PACRG: variants seen among roughly 807,000 people sequenced by gnomAD.
PACRG encodes parkin coregulated gene protein.
A neutral mutation model predicts 29.7 loss-of-function variants in PACRG; 29 were observed. The ratio of observed to expected loss-of-function variants is 0.98; its 90% CI spans 0.73 to 1.33. The LOEUF (loss-of-function observed/expected upper bound fraction) is 1.33. PACRG is among the 40% of genes most tolerant of loss of function. The pLI is 0.00. For missense variants in PACRG, 279 were observed against 316.2 expected (o/e 0.88, Z 0.89); for synonymous variants, 116 against 118.7 (o/e 0.98, Z 0.15).
intron 2 of PACRG, among the ~76,000 whole-genome samples, chr6:162,832,692 A>G (rs913167892): frequency 1.3e-5 from 2 of 152,062 alleles, no homozygotes; most frequent in African/African-American, 4.8e-5. Context: ...TTCTGCATAA[A>G]TTTTTCCCAT....
chr6:163,211,835 C>T (rs1257236633), intron 4 of PACRG, among the ~76,000 whole-genome samples: 1 of 152,158 alleles, frequency 6.6e-6, no homozygotes, highest in Non-Finnish European at 1.5e-5. Context: ...TAATGCAGTG[C>T]TCATTCTCTT....
At chr6:163,091,168 A>G (rs2128303366) in intron 4 of PACRG, among the ~76,000 whole-genome samples, 1 of 152,352 alleles carries the variant, frequency 6.6e-6, no homozygotes, top group Non-Finnish European at 1.5e-5. Flanking sequence ...AAAGTAGAAA[A>G]TCAGTGATGT....
In PACRG at chr6:163,227,340, G is replaced by T. The variant is rs921454219; in HGVS notation, c.614-87487G>T. 5.9e-5 allele frequency among the ~76,000 whole-genome samples: 9 copies of T among 152,232 alleles called. No homozygotes were observed. The East Asian group carries it at 1.7e-3, about 30-fold the overall frequency. Reference sequence around the variant, plus strand: ...ACCTCACCAGTACTCACTCACTAGGGCAGGGATGGCACCCAGCCATGAGGC... The same window carrying T: ...ACCTCACCAGTACTCACTCACTAGGTCAGGGATGGCACCCAGCCATGAGGC... On this transcript the variant is annotated intron_variant, in intron 4 of 4. Coordinates refer to ENST00000366888, the MANE Select transcript of PACRG (RefSeq NM_001080379.2).
chr6:163,273,921 GT>G (rs570205795), intron 4 of PACRG, among the ~76,000 whole-genome samples: 19 of 151,868 alleles, frequency 1.3e-4, no homozygotes, highest in Non-Finnish European at 2.5e-4. Context: ...ATTCTTACTT[GT>G]TAATTAAATT....
chr6:162,794,276 T>C (rs1785189526), intron 1 of PACRG, among the ~76,000 whole-genome samples: 1 of 152,226 alleles, frequency 6.6e-6, no homozygotes. Context: ...TGTTACTATA[T>C]ATTTCCTGCT....
At chr6:163,071,502 A>T (rs1812047919) in intron 3 of PACRG, among the ~76,000 whole-genome samples, 2 of 152,112 alleles carry the variant, frequency 1.3e-5, no homozygotes, top group South Asian at 4.1e-4. Context: ...GTGGTAATGG[A>T]TACACAACAT....
intron 2 of PACRG, among the ~76,000 whole-genome samples, chr6:163,023,836 G>A (rs1198663604): frequency 6.6e-6 from 1 of 152,136 alleles, no homozygotes; most frequent in Admixed American, 6.5e-5. Flanking sequence ...GTGATGATGA[G>A]CAATTTTTTG....
intron 2 of PACRG, among the ~76,000 whole-genome samples, chr6:162,856,460 C>G (rs188380959): frequency 1.0e-3 from 152 of 152,278 alleles, no homozygotes; most frequent in African/African-American, 3.6e-3. Flanking sequence ...TTGGGAGAGT[C>G]ATTTCAACAT....
At chr6:162,759,142 G>A (rs745423126) in intron 1 of PACRG, among the ~76,000 whole-genome samples, 4 of 152,186 alleles carry the variant, frequency 2.6e-5, no homozygotes, top group African/African-American at 9.7e-5. Flanking sequence ...AGAACACAGA[G>A]ATATTCAGAT....
intron 4 of PACRG, chr6:163,111,957 TCAGGG>T: frequency 1.7e-6 from 1 of 603,924 alleles, no homozygotes; most frequent in Middle Eastern, 8.6e-4. Context: ...TTCTGAATTT[TCAGGG>T]AATTTTTACA....
intron 4 of PACRG, chr6:163,179,169 C>T (rs138686395): frequency 6.6e-6 from 3 of 455,960 alleles, no homozygotes; most frequent in East Asian, 1.4e-4. Context: ...TGTAGCTTGG[C>T]TCACACTGAT....
At chr6:163,291,359 T>C (rs1178274004) in intron 4 of PACRG, among the ~76,000 whole-genome samples, 1 of 140,396 alleles carries the variant, frequency 7.1e-6, no homozygotes, top group Non-Finnish European at 1.5e-5. Context: ...AGATGACCCC[T>C]CTGCCCGCCA....
intron 2 of PACRG, among the ~76,000 whole-genome samples, chr6:162,956,060 G>A (rs149079848): frequency 6.6e-6 from 1 of 152,322 alleles, no homozygotes; most frequent in African/African-American, 2.4e-5. Flanking sequence ...CCCAGGGCAA[G>A]CACATACCCT....
chr6:162,989,980 T>G (rs1022437910), intron 2 of PACRG, among the ~76,000 whole-genome samples: 4 of 151,174 alleles, frequency 2.6e-5, no homozygotes, highest in African/African-American at 9.7e-5. Flanking sequence ...TGAGTGAGAA[T>G]ATGCGGTGTT....
At chr6:162,750,400 A>G (rs1233582398) in intron 1 of PACRG, among the ~76,000 whole-genome samples, 1 of 152,220 alleles carries the variant, frequency 6.6e-6, no homozygotes, top group African/African-American at 2.4e-5. Flanking sequence ...ACTCATTAAA[A>G]TTATTCTAGG....
intron 1 of PACRG, among the ~76,000 whole-genome samples, chr6:162,743,736 C>T (rs1033700086): frequency 1.3e-5 from 2 of 152,014 alleles, no homozygotes; most frequent in African/African-American, 4.8e-5. Context: ...ATATAATTCA[C>T]TCAGTTACAG....
At chr6:163,093,116 C>T (rs888342479) in intron 4 of PACRG, among the ~76,000 whole-genome samples, 7 of 152,322 alleles carry the variant, frequency 4.6e-5, no homozygotes, top group African/African-American at 1.7e-4. Flanking sequence ...CCTTTCCTGG[C>T]ATAATCTCTC....
chr6:163,239,841 T>C (rs1274545690), intron 4 of PACRG, among the ~76,000 whole-genome samples: 13 of 124,596 alleles, frequency 1.0e-4, no homozygotes, highest in Admixed American at 9.2e-4. Flanking sequence ...CACACTCACA[T>C]ACACACACAC....
intron 1 of PACRG, among the ~76,000 whole-genome samples, chr6:162,743,038 A>T (rs1326843649): frequency 1.3e-5 from 2 of 152,086 alleles, no homozygotes; most frequent in Non-Finnish European, 2.9e-5. Context: ...AACACTAGTT[A>T]TCTTTTGTCT....
Sources: gnomAD v4.1 joint callset for allele counts (sites outside exome capture counted in the v4.1 genomes callset) on GRCh38, gnomAD v4.1.1 for gene constraint, MANE v1.5 for transcripts, NCBI Gene and HGNC (gene_info 2026-07-23, HGNC 2026-07-21) for gene names.